The following FLOT1 variants were observed in gnomAD, a reference collection of about 807,000 sequenced individuals.
FLOT1 encodes the protein flotillin-1.
In FLOT1, 40 loss-of-function variants were observed where a neutral mutation model predicts 58.4. That is an observed-to-expected ratio of 0.69 (90% CI 0.53 to 0.89). FLOT1 has a LOEUF of 0.89. FLOT1 is among the 40% of genes least tolerant of loss of function. The pLI is 0.00. For synonymous variants in FLOT1, 178 were observed against 204.2 expected (o/e 0.87, Z 1.09); for missense variants, 423 against 540.8 (o/e 0.78, Z 2.16).
chr6:30,730,638 C>T (rs1777105230), intron 10 of FLOT1, 44 bp downstream of exon 10: 1 of 1,613,668 alleles, frequency 6.2e-7, no homozygotes, highest in Non-Finnish European at 8.5e-7. Context: ...AGCAGCAACC[C>T]CCACCCTCTC....
At chr6:30,729,412 A>G (rs1280173107) in intron 12 of FLOT1, among the ~76,000 whole-genome samples, 1 of 152,166 alleles carries the variant, frequency 6.6e-6, no homozygotes, top group Non-Finnish European at 1.5e-5. Context: ...TGCTTACTAT[A>G]TACCAGGCAC....
chr6:30,730,079 G>A lies in FLOT1; in HGVS notation c.1197C>T (p.Asp399=), dbSNP rs779164631. ...GAAKVTGEVL[D]ILTRLPESVE... is the part of the protein sequence containing the mutation. ...CACTCTCTGGCAGGCGAGTTAGAAT[G>A]TCCAGTACTTCCCCAGTCACTTTGG... Residue 399 remains aspartate, a synonymous_variant, in exon 12 of 13, where the codon GAC becomes GAT. Coordinates refer to ENST00000376389, the MANE Select transcript of FLOT1 (RefSeq NM_005803.4). 8 of 1,612,882 alleles carry A rather than the reference G, an allele frequency of 5.0e-6. No homozygotes were observed. The highest frequency in any genetic ancestry group is 6.8e-6 in the Non-Finnish European group (8 of 1,179,988).
In FLOT1 at chr6:30,742,441, T is replaced by TC. The variant is rs1406030267; in HGVS notation, c.-15+85dup. The TC allele has an allele frequency of 6.9e-6, 4 of 577,036 alleles. No homozygotes were observed. In the African/African-American group the frequency reaches 7.7e-5, roughly 11 times the overall value. 35.7% of individuals were successfully genotyped at this position (577,036 alleles called of 1,614,324 possible). A position where few individuals can be genotyped will look rare whatever the true frequency, so the allele number is the denominator to read the frequency against. The stretch of plus-strand genomic sequence containing the variant: ...CCCTCGCCGCTCCCTTTGATAAAGG[T>TC]CCCCCGCGCCCAGAGGCCTGCAGAC... On this transcript the variant is annotated intron_variant, in intron 1 of 12. Coordinates refer to ENST00000376389, the MANE Select transcript of FLOT1 (RefSeq NM_005803.4). The surrounding 1 kb of genome is among the most constrained non-coding windows in gnomAD (Gnocchi z 5.2).
chr6:30,734,729 G>A (rs908956229), intron 8 of FLOT1, among the ~76,000 whole-genome samples: 3 of 151,698 alleles, frequency 2.0e-5, no homozygotes, highest in Non-Finnish European at 4.4e-5. Context: ...TTTCTTGGTT[G>A]CTCCCAAATC....
At position 30,741,819 on chromosome 6, in the gene FLOT1, A is replaced by G; in HGVS notation, c.92T>C (p.Val31Ala). ...CTGGATCTGTTGGATGCAGGGCAGGACAAAGACACGCCCTCCAGCCACCAT... is the reference window on the plus strand; with the variant it reads ...CTGGATCTGTTGGATGCAGGGCAGGGCAAAGACACGCCCTCCAGCCACCAT... ...PVMVAGGRVFVLPCIQQIQRI... is the reference protein window; with the variant it reads ...PVMVAGGRVFALPCIQQIQRI... Residue 31 changes from valine (V) to alanine (A), a missense_variant, in exon 3 of 13, where the codon GTC (valine) becomes GCC (alanine). Val to Ala is a moderately conservative substitution (Grantham distance 64, BLOSUM62 0). Around this residue, in one of 6 missense-constraint regions of FLOT1, gnomAD observed 91 missense variants for 118.3 expected, o/e 0.77. Coordinates refer to ENST00000376389, the MANE Select transcript of FLOT1 (RefSeq NM_005803.4). This position sits in a 1 kb window ranked among gnomAD's most constrained non-coding sequence, Gnocchi z 5.9. 1 of 1,612,998 alleles carries G rather than the reference A, an allele frequency of 6.2e-7. No individual in the cohort carries two copies. Among genetic ancestry groups the G allele is most frequent in the Non-Finnish European group, 8.5e-7 (1 of 1,180,028 alleles).
intron 8 of FLOT1, among the ~76,000 whole-genome samples, chr6:30,733,983 T>C (rs1434966441): frequency 7.0e-6 from 1 of 143,766 alleles, no homozygotes; most frequent in Non-Finnish European, 1.5e-5. Flanking sequence ...GCCTGGGAGG[T>C]TGAGGTTACA....
At chr6:30,739,251 G>A (rs1239714701) in intron 8 of FLOT1, among the ~76,000 whole-genome samples, 1 of 152,202 alleles carries the variant, frequency 6.6e-6, no homozygotes, top group Non-Finnish European at 1.5e-5. Context: ...TTGATTAGAG[G>A]GGCATGGGCC....
In FLOT1 at chr6:30,740,114, A is replaced by G. The variant is rs747591062; in HGVS notation, c.723+44T>C. ...GGTGTCCTGAGATGGACAGCCTGAG[A>G]GGAATGGGGAAGGGGCAGAGAGTGG... On this transcript the variant is annotated intron_variant, in intron 8 of 12. Transcript: ENST00000376389. The G allele has an allele frequency of 1.9e-6, 3 of 1,596,854 alleles. No homozygotes were observed. The African/African-American group carries it at 4.0e-5, about 21-fold the overall frequency.
rs1282530346 is a variant in FLOT1, at chr6:30,728,123, G to C, written c.1277C>G (p.Thr426Arg). The C allele has an allele frequency of 1.2e-6, 2 of 1,613,000 alleles. No homozygotes were observed. The highest frequency in any genetic ancestry group is 8.5e-7 in the Non-Finnish European group (1 of 1,179,960). Residue 426 changes from threonine to arginine, a missense_variant, in exon 13 of 13, where the codon ACA (threonine) becomes AGA (arginine). Physicochemically the swap from Thr to Arg is moderately conservative, Grantham distance 71 (BLOSUM62 -1). Transcript: ENST00000376389. ...TCTGTGAGGGCTGAAGGCTCAGGCT[G>C]TTCTCAAAGGCTTGTGATTCACCTG... ...ISQVNHKPLR[T>R]A
rs756143200 is a variant in FLOT1 at position 30,741,838 on chromosome 6, C to A, written c.73G>T (p.Ala25Ser). 1 of 1,612,782 alleles carries A rather than the reference C, an allele frequency of 6.2e-7. No homozygotes were observed. Among genetic ancestry groups the A allele is most frequent in the Non-Finnish European group, 8.5e-7 (1 of 1,180,014 alleles). ...GFCRSPPVMV[A>S]GGRVFVLPCI... ...GGCAGGACAAAGACACGCCCTCCAG[C>A]CACCATGACTGGGGGGCTTCGGCAG... The change falls in exon 3 of 13, where the codon GCT (alanine) becomes TCT (serine). Residue 25 changes from alanine to serine, a missense_variant. Coordinates refer to ENST00000376389, the MANE Select transcript of FLOT1 (RefSeq NM_005803.4). This position sits in a 1 kb window ranked among gnomAD's most constrained non-coding sequence, Gnocchi z 5.9.
At chr6:30,731,131 T>G in intron 8 of FLOT1, 31 bp from the exon 9 acceptor site, 4 of 1,570,758 alleles carry the variant, frequency 2.5e-6, no homozygotes, top group Non-Finnish European at 2.6e-6. Context: ...AGGTTCACGC[T>G]CTGAGTCAGA....
intron 9 of FLOT1, 93 bp downstream of exon 9, chr6:30,730,826 C>G (rs1777124953): frequency 1.2e-6 from 2 of 1,603,296 alleles, no homozygotes; most frequent in Admixed American, 3.3e-5. Context: ...AACCTGAAAT[C>G]CATAGGAGTC....
At chr6:30,734,074 G>C (rs1022348735) in intron 8 of FLOT1, among the ~76,000 whole-genome samples, 8 of 129,756 alleles carry the variant, frequency 6.2e-5, no homozygotes, top group Non-Finnish European at 8.5e-5. Flanking sequence ...AAAAAAAAAG[G>C]AATCTGAAGT....
At position 30,740,579 on chromosome 6, in the gene FLOT1, A is replaced by G. The variant is rs746300199; in HGVS notation, c.487T>C (p.Ser163Pro). Reference protein sequence around the residue: ...DIHDDQDYLHSLGKARTAQVQ... With the variant: ...DIHDDQDYLHPLGKARTAQVQ... Reference sequence around the variant, plus strand: ...TGAGCTGTTCGAGCCTTCCCCAAAGAGTGCAAATAGTCCTGTGGGAGAGAT... The same window carrying G: ...TGAGCTGTTCGAGCCTTCCCCAAAGGGTGCAAATAGTCCTGTGGGAGAGAT... Residue 163 changes from serine to proline, a missense_variant, in exon 7 of 13, where the codon TCT (serine) becomes CCT (proline). Around this residue, in one of 6 missense-constraint regions of FLOT1, gnomAD observed 137 missense variants for 194.6 expected, o/e 0.70. Transcript: ENST00000376389. 1.2e-6 allele frequency: 2 copies of G among 1,612,986 alleles called. No homozygotes were observed. The highest frequency in any genetic ancestry group is 3.3e-5 in the Admixed American group (2 of 60,016).
At chr6:30,739,185 C>T (rs1460638185) in intron 8 of FLOT1, among the ~76,000 whole-genome samples, 3 of 152,192 alleles carry the variant, frequency 2.0e-5, no homozygotes, top group Admixed American at 1.3e-4. Flanking sequence ...TAGCATGCCT[C>T]TGTGCAAATC....
chr6:30,742,083 G>A lies in FLOT1; in HGVS notation c.43+64C>T. 5 of 1,534,310 alleles carry A rather than the reference G, an allele frequency of 3.3e-6. No individual in the cohort carries two copies. The highest frequency in any genetic ancestry group is 4.5e-6 in the Non-Finnish European group (5 of 1,110,896). ...GGAAGTTGGTAGGGAGAGGGAGAAG[G>A]GGCAGAGGCCAGACTCACAGGGGTT... On this transcript the variant is annotated intron_variant, in intron 2 of 12. Transcript: ENST00000376389. This position sits in a 1 kb window ranked among gnomAD's most constrained non-coding sequence, Gnocchi z 5.2.
chr6:30,734,892 A>C (rs1777456298), intron 8 of FLOT1, among the ~76,000 whole-genome samples: 1 of 151,950 alleles, frequency 6.6e-6, no homozygotes. Context: ...TTGTGTTTTT[A>C]GTAGAGACGG....
rs1778049104 is a variant in FLOT1, at chr6:30,742,228, TTGCGGA to T, written c.-14-31_-14-26del. The T allele has an allele frequency of 1.2e-6, 2 of 1,609,242 alleles. No individual in the cohort carries two copies. The highest frequency in any genetic ancestry group is 8.5e-7 in the Non-Finnish European group (1 of 1,176,748). The stretch of plus-strand genomic sequence containing the variant: ...GCTGGAGGAGAGGGAGGGAAAGCCT[TTGCGGA>T]TGGGGAAGGCGCGCTGTGGCGTCCA... On this transcript the variant is annotated intron_variant, in intron 1 of 12. Coordinates refer to ENST00000376389, the MANE Select transcript of FLOT1 (RefSeq NM_005803.4). This position sits in a 1 kb window ranked among gnomAD's most constrained non-coding sequence, Gnocchi z 5.2.
At chr6:30,728,935 C>T (rs1351640870) in intron 12 of FLOT1, among the ~76,000 whole-genome samples, 2 of 152,154 alleles carry the variant, frequency 1.3e-5, no homozygotes, top group African/African-American at 4.8e-5. Flanking sequence ...GCACACACCG[C>T]CACGCCCGGC....
Sources: allele counts gnomAD v4.1 joint callset (sites outside exome capture counted in the v4.1 genomes callset), GRCh38; gene constraint gnomAD v4.1.1; regional missense constraint gnomAD v4.1.1; non-coding constraint Gnocchi (gnomAD v3.1); transcripts MANE v1.5; gene names NCBI Gene and HGNC (gene_info 2026-07-23, HGNC 2026-07-21).